The following MCF2L2 variants were observed in gnomAD, a reference collection of about 807,000 sequenced individuals.
The protein encoded by MCF2L2 is MCF.2 cell line derived transforming sequence-like 2, also known as probable guanine nucleotide exchange factor MCF2L2.
In MCF2L2, 102 loss-of-function variants were observed where a neutral mutation model predicts 150.2. The ratio of observed to expected loss-of-function variants is 0.68; its 90% CI spans 0.58 to 0.80. MCF2L2 has a LOEUF of 0.80. MCF2L2 is among the 30% of genes least tolerant of loss of function. The pLI is 0.00. For synonymous variants in MCF2L2, 465 were observed against 491.3 expected (o/e 0.95, Z 0.71); for missense variants, 1,256 against 1,372.8 (o/e 0.91, Z 1.34).
intron 25 of MCF2L2, 147 bp downstream of exon 25, chr3:183,205,729 C>T (rs770924618): frequency 6.5e-5 from 41 of 633,206 alleles, no homozygotes; most frequent in Non-Finnish European, 1.1e-4. Flanking sequence ...GGAAATCAAG[C>T]ATAGGTGCTT....
At chr3:183,189,251 C>G (rs367757033) in intron 27 of MCF2L2, among the ~76,000 whole-genome samples, 89 of 152,336 alleles carry the variant, frequency 5.8e-4, no homozygotes, top group African/African-American at 2.1e-3. Context: ...AGAGGAAGTG[C>G]ACTAACTGGA....
In MCF2L2 at chr3:183,270,486, A is replaced by G. The variant is rs1560389885; in HGVS notation, c.1862+6386T>C. On this transcript the variant is annotated intron_variant, in intron 15 of 29. Coordinates refer to ENST00000328913, the MANE Select transcript of MCF2L2 (RefSeq NM_015078.4). This position sits in a 1 kb window ranked among gnomAD's most constrained non-coding sequence, Gnocchi z 4.5. ...TCGTGTTCATCGTGGTGCCCCTCCCATTAGAGATAAAAGCAGCAAATACTA... is the reference window on the plus strand; with the variant it reads ...TCGTGTTCATCGTGGTGCCCCTCCCGTTAGAGATAAAAGCAGCAAATACTA... The G allele has an allele frequency of 2.5e-6, 4 of 1,614,158 alleles. No individual in the cohort carries two copies. The highest frequency in any genetic ancestry group is 3.4e-6 in the Non-Finnish European group (4 of 1,180,018).
At chr3:183,263,413 C>A (rs548455391) in intron 15 of MCF2L2, among the ~76,000 whole-genome samples, 27 of 152,304 alleles carry the variant, frequency 1.8e-4, no homozygotes, top group African/African-American at 6.5e-4. Context: ...TGGTCAATGT[C>A]TCTCTTCCCC....
intron 15 of MCF2L2, among the ~76,000 whole-genome samples, chr3:183,246,372 A>G (rs750919501): frequency 3.6e-4 from 55 of 152,300 alleles, no homozygotes; most frequent in Admixed American, 8.5e-4. Context: ...AGCTCCTGGG[A>G]ACCTCTATTC....
intron 27 of MCF2L2, among the ~76,000 whole-genome samples, chr3:183,190,111 G>A (rs140837330): frequency 3.1e-4 from 47 of 152,258 alleles, no homozygotes; most frequent in African/African-American, 9.4e-4. Context: ...GTGCATCAAC[G>A]GGAGGCTCTT....
intron 3 of MCF2L2, among the ~76,000 whole-genome samples, chr3:183,343,089 A>G (rs1255177137): frequency 6.6e-6 from 1 of 152,216 alleles, no homozygotes; most frequent in Non-Finnish European, 1.5e-5. Flanking sequence ...GTCATTAGAT[A>G]TATACTTGAA....
intron 25 of MCF2L2, 150 bp from the exon 26 acceptor site, chr3:183,195,405 G>A (rs1172365994): frequency 3.5e-6 from 2 of 579,486 alleles, no homozygotes; most frequent in East Asian, 6.4e-5. Context: ...ATTTTCCCAG[G>A]AATTCAGAAA....
chr3:183,278,572 A>C (rs535333342), intron 14 of MCF2L2, among the ~76,000 whole-genome samples: 1 of 152,302 alleles, frequency 6.6e-6, no homozygotes, highest in African/African-American at 2.4e-5. Flanking sequence ...TGAATTCCCC[A>C]CTGGACTTTG....
chr3:183,294,629 A>AT lies in MCF2L2; in HGVS notation c.1675+670dup, dbSNP rs1285808350. 2.9e-3 allele frequency among the ~76,000 whole-genome samples: 367 copies of AT among 125,246 alleles called. 7 individuals carry two copies. Among genetic ancestry groups the AT allele is most frequent in the African/African-American group, 0.011 (333 of 30,512 alleles). The allele number at this position is 125,246 out of a possible 152,430, so 82.2% of individuals were successfully genotyped here. ...TGTGTGTGTGTGTATATATATATAT[A>AT]TATATTTTTTTTTTTTTGAGACGGA... On this transcript the variant is annotated intron_variant, in intron 13 of 29. Transcript: ENST00000328913.
intron 5 of MCF2L2, among the ~76,000 whole-genome samples, chr3:183,335,968 G>T (rs2108535263): frequency 6.6e-6 from 1 of 152,306 alleles, no homozygotes; most frequent in South Asian, 2.1e-4. Context: ...ACCTCCCAAG[G>T]AGGGAGCAAC....
intron 24 of MCF2L2, 51 bp from the exon 25 acceptor site, chr3:183,206,005 C>T: frequency 1.3e-6 from 2 of 1,572,360 alleles, no homozygotes; most frequent in Non-Finnish European, 1.8e-6. Flanking sequence ...GTATTAATTG[C>T]AGAGTTTTTA....
At chr3:183,238,190 G>A (rs960629359) in intron 15 of MCF2L2, among the ~76,000 whole-genome samples, 5 of 150,990 alleles carry the variant, frequency 3.3e-5, no homozygotes, top group African/African-American at 1.2e-4. Context: ...GCGGCCTGTG[G>A]CCCAACACAA....
At chr3:183,182,880 T>A (rs1055011641) in intron 27 of MCF2L2, among the ~76,000 whole-genome samples, 2 of 152,152 alleles carry the variant, frequency 1.3e-5, no homozygotes, top group African/African-American at 4.8e-5. Flanking sequence ...GCTGTGTGCC[T>A]TGTGGGGACT....
chr3:183,228,548 A>C (rs1404277569), intron 17 of MCF2L2, among the ~76,000 whole-genome samples, 182 bp from the exon 18 acceptor site: 2 of 152,206 alleles, frequency 1.3e-5, no homozygotes, highest in African/African-American at 4.8e-5. Flanking sequence ...TATTACTACA[A>C]TTACCCTGAA....
intron 25 of MCF2L2, among the ~76,000 whole-genome samples, chr3:183,203,849 AGAAG>A (rs1360104831): frequency 6.7e-6 from 1 of 150,368 alleles, no homozygotes; most frequent in African/African-American, 2.5e-5. Context: ...GCAAGCACAT[AGAAG>A]GACTCTTCAA....
intron 11 of MCF2L2, chr3:183,298,118 G>A (rs558135962): frequency 2.6e-5 from 4 of 152,204 alleles, no homozygotes; most frequent in East Asian, 1.9e-4. Flanking sequence ...TCAGCACAGC[G>A]ATACTCAAGA....
At chr3:183,351,839 G>A (rs77069163) in intron 3 of MCF2L2, among the ~76,000 whole-genome samples, 1,643 of 152,200 alleles carry the variant, frequency 0.011, 28 homozygotes, top group African/African-American at 0.037. Flanking sequence ...CTAGTCTTGT[G>A]GCATTCTTTT....
At chr3:183,271,111 T>A (rs1012140961) in intron 15 of MCF2L2, 2 of 527,000 alleles carry the variant, frequency 3.8e-6, no homozygotes. Context: ...CTTATCTACT[T>A]CATTGCCTAA....
At chr3:183,314,964 T>C (rs895298614) in intron 7 of MCF2L2, among the ~76,000 whole-genome samples, 1 of 143,108 alleles carries the variant, frequency 7.0e-6, no homozygotes, top group African/African-American at 2.6e-5. Context: ...GAGACAGAAT[T>C]TCACTCTTGT....
Sources: gnomAD v4.1 joint callset for allele counts (sites outside exome capture counted in the v4.1 genomes callset) on GRCh38, gnomAD v4.1.1 for gene constraint, Gnocchi (gnomAD v3.1) non-coding constraint, MANE v1.5 for transcripts, NCBI Gene and HGNC (gene_info 2026-07-23, HGNC 2026-07-21) for gene names.